Variants in HDAC1 observed in about 807,000 individuals in gnomAD.
HDAC1 encodes the protein protein deacetylase HDAC1.
A neutral mutation model predicts 65.5 loss-of-function variants in HDAC1; 18 were observed. The observed-to-expected ratio is 0.27, with a 90% CI of 0.19 to 0.41. The LOEUF is 0.41. Among genes scored for constraint, HDAC1 ranks in the 10% least tolerant of loss-of-function variants. The pLI, the probability that HDAC1 is intolerant of heterozygous loss-of-function variation, is 1.00. For synonymous variants in HDAC1, 211 were observed against 227.9 expected (o/e 0.93, Z 0.67); for missense variants, 373 against 625.2 (o/e 0.60, Z 4.30).
At chr1:32,321,268 C>T (rs995993325) in intron 3 of HDAC1, among the ~76,000 whole-genome samples, 4 of 151,900 alleles carry the variant, frequency 2.6e-5, no homozygotes, top group African/African-American at 9.7e-5. Flanking sequence ...TAATGAACAT[C>T]CATGTGTGCC....
In HDAC1 at chr1:32,311,888, A is replaced by T. The variant is rs117863398; in HGVS notation, c.163-4777A>T. Reference sequence around the variant, plus strand: ...AGATCAAAATGGAGTTTGTGCAGTCATCTGTGTAGAAGGGATAGCCAGACC... The same window carrying T: ...AGATCAAAATGGAGTTTGTGCAGTCTTCTGTGTAGAAGGGATAGCCAGACC... On this transcript the variant is annotated intron_variant, in intron 2 of 13. Coordinates refer to ENST00000373548, the MANE Select transcript of HDAC1 (RefSeq NM_004964.3). Among the ~76,000 whole-genome samples, 28 of 152,326 alleles carry T rather than the reference A, an allele frequency of 1.8e-4. No homozygotes were observed. The East Asian group carries it at 5.4e-3, about 29-fold the overall frequency.
chr1:32,332,766 C>T lies in HDAC1; in HGVS notation c.1421+17C>T, dbSNP rs1026273261. The T allele has an allele frequency of 1.3e-6, 2 of 1,549,378 alleles. No homozygotes were observed. The highest frequency in any genetic ancestry group is 2.0e-5 in the Admixed American group (1 of 51,066). ...AGCCAAAGGGTGAGGAAGGAGCTGCCTGTGGCCATCTCCCTGGCATTGGAG... is the reference window on the plus strand; with the variant it reads ...AGCCAAAGGGTGAGGAAGGAGCTGCTTGTGGCCATCTCCCTGGCATTGGAG... On this transcript the variant is annotated intron_variant, in intron 13 of 13. Coordinates refer to ENST00000373548, the MANE Select transcript of HDAC1 (RefSeq NM_004964.3).
At chr1:32,326,656 A>AAT (rs369032243) in intron 4 of HDAC1, among the ~76,000 whole-genome samples, 16 of 149,994 alleles carry the variant, frequency 1.1e-4, no homozygotes, top group South Asian at 2.1e-4. Context: ...TCATTAAAAA[A>AAT]ATATATATAT....
intron 1 of HDAC1, among the ~76,000 whole-genome samples, chr1:32,297,012 C>T (rs1044608955): frequency 6.6e-6 from 1 of 152,046 alleles, no homozygotes; most frequent in African/African-American, 2.4e-5. Flanking sequence ...TTCTCAAGAT[C>T]AGGAAAGAGA....
intron 3 of HDAC1, among the ~76,000 whole-genome samples, chr1:32,322,084 C>T (rs1641155058): frequency 6.6e-6 from 1 of 152,144 alleles, no homozygotes; most frequent in Non-Finnish European, 1.5e-5. Context: ...TGAGCTTCAA[C>T]TGTGTCTTGA....
intron 6 of HDAC1, among the ~76,000 whole-genome samples, chr1:32,328,799 G>C (rs1274222917): frequency 6.6e-6 from 1 of 152,194 alleles, no homozygotes; most frequent in Non-Finnish European, 1.5e-5. Flanking sequence ...GAAATCTTGT[G>C]CTATAGGGTA....
At chr1:32,314,191 A>G (rs982829230) in intron 2 of HDAC1, among the ~76,000 whole-genome samples, 15 of 152,160 alleles carry the variant, frequency 9.9e-5, no homozygotes, top group Non-Finnish European at 1.5e-4. Context: ...TTGGGTAAAT[A>G]ATAATGTATA....
intron 3 of HDAC1, among the ~76,000 whole-genome samples, chr1:32,318,202 G>A (rs1365815423): frequency 6.6e-6 from 1 of 152,204 alleles, no homozygotes; most frequent in African/African-American, 2.4e-5. Flanking sequence ...GCCAGCCTCG[G>A]CTTCCCCAAG....
intron 4 of HDAC1, among the ~76,000 whole-genome samples, chr1:32,326,556 T>G (rs1308092866): frequency 6.6e-6 from 1 of 152,146 alleles, no homozygotes; most frequent in African/African-American, 2.4e-5. Context: ...AACATATGCA[T>G]GCATGCACAC....
intron 13 of HDAC1, 67 bp from the exon 14 acceptor site, chr1:32,332,950 C>G: frequency 6.5e-7 from 1 of 1,528,756 alleles, no homozygotes. Flanking sequence ...GTGGAAGTCA[C>G]TGTCTGCACT....
intron 3 of HDAC1, among the ~76,000 whole-genome samples, chr1:32,322,691 T>C (rs1053011645): frequency 3.9e-5 from 6 of 152,222 alleles, no homozygotes; most frequent in Non-Finnish European, 8.8e-5. Flanking sequence ...TGTTTGCATA[T>C]GTTTCCACAT....
Position 32,329,063 on chromosome 1 carries a change from A to G in HDAC1, c.637-5A>G. 2 of 1,579,184 alleles carry G rather than the reference A, an allele frequency of 1.3e-6. No individual in the cohort carries two copies. The highest frequency in any genetic ancestry group is 1.7e-6 in the Non-Finnish European group (2 of 1,148,476). On this transcript the variant is annotated splice_region_variant and splice_polypyrimidine_tract_variant and intron_variant, in intron 6 of 13. Coordinates refer to ENST00000373548, the MANE Select transcript of HDAC1 (RefSeq NM_004964.3). The surrounding 1 kb of genome is among the most constrained non-coding windows in gnomAD (Gnocchi z 4.1). ...CAGTTTTACTTTAATGGCCTTTTTA[A>G]TTAGGATATCGGGGCTGGCAAAGGC... is the stretch of plus-strand genomic sequence containing the variant.
At position 32,330,761 on chromosome 1, in the gene HDAC1, A is replaced by G; in HGVS notation, c.839-7A>G. On this transcript the variant is annotated splice_polypyrimidine_tract_variant and splice_region_variant and intron_variant, in intron 8 of 13. Coordinates refer to ENST00000373548, the MANE Select transcript of HDAC1 (RefSeq NM_004964.3). The surrounding 1 kb of genome is among the most constrained non-coding windows in gnomAD (Gnocchi z 4.2). ...CCTGTAACTCAGCACCCCTTCTCCC[A>G]CCAAAGGACACGCCAAGTGTGTGGA... 1 of 1,614,110 alleles carries G rather than the reference A, an allele frequency of 6.2e-7. No individual in the cohort carries two copies.
chr1:32,325,743 C>G (rs528064125), intron 4 of HDAC1, among the ~76,000 whole-genome samples: 1 of 152,258 alleles, frequency 6.6e-6, no homozygotes, highest in East Asian at 1.9e-4. Context: ...ATCAACACTG[C>G]AGCTGGACAC....
intron 3 of HDAC1, among the ~76,000 whole-genome samples, chr1:32,321,614 A>G (rs1198571604): frequency 6.6e-6 from 1 of 152,160 alleles, no homozygotes; most frequent in Non-Finnish European, 1.5e-5. Context: ...ATTAGCTCAC[A>G]TGAGTATCTG....
chr1:32,327,379 C>T lies in HDAC1; in HGVS notation c.495-157C>T. ...CGGCTTGGTCAGGCCTCTGGAGACA[C>T]CCGGCCGCTCTTCCACCTTCCTTCA... is the stretch of plus-strand genomic sequence containing the variant. On this transcript the variant is annotated intron_variant, in intron 5 of 13. Transcript: ENST00000373548. The surrounding 1 kb of genome is among the most constrained non-coding windows in gnomAD (Gnocchi z 6.0). 1 of 683,106 alleles carries T rather than the reference C, an allele frequency of 1.5e-6. No individual in the cohort carries two copies. The highest frequency in any genetic ancestry group is 4.1e-4 in the Middle Eastern group (1 of 2,420). 42.3% of individuals were successfully genotyped at this position (683,106 alleles called of 1,614,324 possible).
intron 1 of HDAC1, among the ~76,000 whole-genome samples, chr1:32,294,810 G>A (rs1404498557): frequency 2.0e-5 from 3 of 150,892 alleles, no homozygotes; most frequent in South Asian, 2.1e-4. Context: ...CACCGCACCC[G>A]GCCCCAACTT....
intron 2 of HDAC1, among the ~76,000 whole-genome samples, chr1:32,304,863 C>G (rs1640891294): frequency 6.6e-6 from 1 of 152,056 alleles, no homozygotes; most frequent in Non-Finnish European, 1.5e-5. Context: ...CATACCCAGC[C>G]TCTCTTGGCT....
Position 32,324,639 on chromosome 1 carries a change from T to C in HDAC1, c.355+86T>C. On this transcript the variant is annotated intron_variant, in intron 4 of 13. Transcript: ENST00000373548. The stretch of plus-strand genomic sequence containing the variant: ...TTAGGCTGCTATCCTAGTTGGCTGA[T>C]CTGAAACCATGTAGAATGGTCCTGT... 4.5e-6 allele frequency: 4 copies of C among 890,610 alleles called. No individual in the cohort carries two copies. In the South Asian group the frequency reaches 5.3e-5, roughly 12 times the overall value. 55.2% of individuals were successfully genotyped at this position (890,610 alleles called of 1,614,324 possible).
Sources: gnomAD v4.1 joint callset for allele counts (sites outside exome capture counted in the v4.1 genomes callset) on GRCh38, gnomAD v4.1.1 for gene constraint, Gnocchi (gnomAD v3.1) non-coding constraint, MANE v1.5 for transcripts, NCBI Gene and HGNC (gene_info 2026-07-23, HGNC 2026-07-21) for gene names.